Variants in NTRK3 observed in about 807,000 individuals in gnomAD.
The protein encoded by NTRK3 is NT-3 growth factor receptor.
NTRK3 carries 24 observed loss-of-function variants against 91.7 expected under a neutral mutation model. The ratio of observed to expected loss-of-function variants is 0.26; its 90% CI spans 0.19 to 0.37. The LOEUF (loss-of-function observed/expected upper bound fraction) is 0.37. Ranked by LOEUF, NTRK3 falls within the 10% of genes least tolerant of loss-of-function variation. The pLI, the probability that NTRK3 is intolerant of heterozygous loss-of-function variation, is 1.00. For missense variants in NTRK3, 880 were observed against 1,068.9 expected (o/e 0.82, Z 2.46); for synonymous variants, 483 against 404.0 (o/e 1.20, Z -2.34).
rs1469134931 is a variant in NTRK3, at chr15:88,241,280, A to C, written c.248+14626T>G. 6.6e-6 allele frequency among the ~76,000 whole-genome samples: 1 copy of C among 152,158 alleles called. No homozygotes were observed. The highest frequency in any genetic ancestry group is 2.4e-5 in the African/African-American group (1 of 41,436). On this transcript the variant is annotated intron_variant, in intron 3 of 18. Transcript: ENST00000394480. This position sits in a 1 kb window ranked among gnomAD's most constrained non-coding sequence, Gnocchi z 4.3. ...CAGCAGGGTGGGGCCTCAAGGTCAG[A>C]GCATGCCTGCCCAGACAGCAGGCAA...
intron 6 of NTRK3, among the ~76,000 whole-genome samples, chr15:88,138,914 G>C (rs543045418): frequency 1.3e-5 from 2 of 152,360 alleles, no homozygotes; most frequent in South Asian, 4.1e-4. Context: ...AAAGGAAAGA[G>C]AGAAAAAGAG....
At position 88,006,635 on chromosome 15, in the gene NTRK3, G is replaced by A. The variant is rs1596651150; in HGVS notation, c.1585+26222C>T. 6.6e-5 allele frequency among the ~76,000 whole-genome samples: 10 copies of A among 152,332 alleles called. No homozygotes were observed. In the South Asian group the frequency reaches 2.1e-3, roughly 32 times the overall value. ...GCCCCATGGGATGGCATGATTCTGG[G>A]ATTTGAAGAAGCAGTGAGCATCTCC... On this transcript the variant is annotated intron_variant, in intron 14 of 18. Transcript: ENST00000394480.
chr15:88,216,646 C>T (rs760645043), intron 3 of NTRK3, among the ~76,000 whole-genome samples: 8 of 152,196 alleles, frequency 5.3e-5, no homozygotes, highest in Non-Finnish European at 1.0e-4. Context: ...GCCATCCTTC[C>T]TAGAACAGGC....
At chr15:87,903,738 T>C (rs1025039884) in intron 17 of NTRK3, among the ~76,000 whole-genome samples, 1 of 152,176 alleles carries the variant, frequency 6.6e-6, no homozygotes, top group East Asian at 1.9e-4. Flanking sequence ...GGGGACTGTA[T>C]TGGTTTTCCC....
chr15:88,191,794 T>C (rs2047418380), intron 3 of NTRK3, among the ~76,000 whole-genome samples: 1 of 152,248 alleles, frequency 6.6e-6, no homozygotes, highest in South Asian at 2.1e-4. Context: ...AGCTCCATGG[T>C]GCTAAGGCAT....
chr15:88,084,247 C>A (rs1177312990), intron 13 of NTRK3, among the ~76,000 whole-genome samples: 1 of 152,186 alleles, frequency 6.6e-6, no homozygotes, highest in African/African-American at 2.4e-5. Context: ...GGATGTCCCA[C>A]TGCCCCCTCA....
intron 17 of NTRK3, among the ~76,000 whole-genome samples, chr15:87,892,504 T>C (rs1035637980): frequency 6.6e-6 from 1 of 152,214 alleles, no homozygotes; most frequent in African/African-American, 2.4e-5. Context: ...ATACATGAAC[T>C]AATTGAAAAT....
intron 5 of NTRK3, among the ~76,000 whole-genome samples, chr15:88,149,678 A>T (rs545271652): frequency 7.9e-5 from 12 of 152,366 alleles, no homozygotes; most frequent in African/African-American, 2.6e-4. Context: ...GCAAAGCCCC[A>T]TGCAGCAGCC....
chr15:88,110,226 A>G (rs1270393560), intron 13 of NTRK3, among the ~76,000 whole-genome samples: 1 of 152,216 alleles, frequency 6.6e-6, no homozygotes, highest in East Asian at 1.9e-4. Context: ...TGGTGGGTAA[A>G]GAAAGAGACA....
chr15:87,889,396 C>CTTT (rs568030482), intron 17 of NTRK3, among the ~76,000 whole-genome samples: 973 of 95,598 alleles, frequency 0.01, 24 homozygotes, highest in African/African-American at 0.026. Context: ...TTATTAGTTC[C>CTTT]TTTTTTTTTT....
intron 17 of NTRK3, among the ~76,000 whole-genome samples, chr15:87,884,397 A>G (rs1463214227): frequency 2.0e-5 from 3 of 151,752 alleles, no homozygotes; most frequent in Non-Finnish European, 4.4e-5. Context: ...GTTCTATTAA[A>G]GTTTTCTGTC....
chr15:88,157,285 A>G (rs768427280), intron 5 of NTRK3, among the ~76,000 whole-genome samples: 1 of 151,318 alleles, frequency 6.6e-6, no homozygotes, highest in Non-Finnish European at 1.5e-5. Context: ...AAACATACAC[A>G]CTTATCCCCA....
intron 17 of NTRK3, among the ~76,000 whole-genome samples, chr15:87,908,143 G>A (rs917570962): frequency 2.0e-5 from 3 of 152,158 alleles, no homozygotes; most frequent in East Asian, 1.9e-4. Context: ...CAAACCACTC[G>A]TCCATGCAGA....
intron 17 of NTRK3, among the ~76,000 whole-genome samples, chr15:87,898,623 G>A (rs537845184): frequency 2.4e-4 from 37 of 152,078 alleles, no homozygotes; most frequent in Non-Finnish European, 4.0e-4. Context: ...TCCTTTAAGC[G>A]ACATTAATAA....
intron 14 of NTRK3, among the ~76,000 whole-genome samples, chr15:88,012,008 CAG>C (rs2076914935): frequency 1.3e-5 from 2 of 152,162 alleles, no homozygotes; most frequent in Admixed American, 1.3e-4. Flanking sequence ...CACCTTATGA[CAG>C]ACACACAGAA....
At chr15:88,091,446 C>T (rs528869422) in intron 13 of NTRK3, among the ~76,000 whole-genome samples, 1 of 152,352 alleles carries the variant, frequency 6.6e-6, no homozygotes, top group African/African-American at 2.4e-5. Context: ...CCTCTGCTCT[C>T]CTCTTACCCA....
At chr15:88,247,655 A>G (rs1022939172) in intron 3 of NTRK3, among the ~76,000 whole-genome samples, 5 of 152,210 alleles carry the variant, frequency 3.3e-5, no homozygotes, top group African/African-American at 1.2e-4. Context: ...AGCTCTCAGA[A>G]GTGCGAGGCC....
intron 3 of NTRK3, among the ~76,000 whole-genome samples, chr15:88,210,551 A>G (rs568361237): frequency 6.6e-6 from 1 of 152,230 alleles, no homozygotes; most frequent in Non-Finnish European, 1.5e-5. Context: ...GAAAGCTCAG[A>G]TGCAGGAACA....
chr15:87,986,751 T>A (rs564090944), intron 14 of NTRK3, among the ~76,000 whole-genome samples: 1 of 152,382 alleles, frequency 6.6e-6, no homozygotes, highest in South Asian at 2.1e-4. Context: ...CACACATATC[T>A]GTATGCACAT....
Sources: gnomAD v4.1 joint callset for allele counts (sites outside exome capture counted in the v4.1 genomes callset) on GRCh38, gnomAD v4.1.1 for gene constraint, Gnocchi (gnomAD v3.1) non-coding constraint, MANE v1.5 for transcripts, NCBI Gene and HGNC (gene_info 2026-07-23, HGNC 2026-07-21) for gene names.